The following CTNNA2 variants were observed in gnomAD, a reference collection of about 807,000 sequenced individuals.
CTNNA2 encodes the protein catenin alpha-2.
In CTNNA2, 42 loss-of-function variants were observed where a neutral mutation model predicts 101.0. The observed-to-expected ratio is 0.42, with a 90% CI of 0.32 to 0.54. CTNNA2 has a LOEUF of 0.54. Ranked by LOEUF, CTNNA2 falls within the 20% of genes least tolerant of loss-of-function variation. The pLI is 0.14. For synonymous variants in CTNNA2, 450 were observed against 456.4 expected, an observed-to-expected ratio of 0.99 and a Z score of 0.18; for missense variants, 871 against 1,223.1, an observed-to-expected ratio of 0.71 and a Z score of 4.29.
chr2:80,504,711 T>A (rs1377002038), intron 9 of CTNNA2, among the ~76,000 whole-genome samples: 1 of 152,156 alleles, frequency 6.6e-6, no homozygotes, highest in Non-Finnish European at 1.5e-5. Flanking sequence ...TAATCATACT[T>A]AGCTCCGGGG....
chr2:79,522,015 G>A (rs1027408112), intron 1 of CTNNA2, among the ~76,000 whole-genome samples: 17 of 152,184 alleles, frequency 1.1e-4, no homozygotes, highest in African/African-American at 3.9e-4. Context: ...AGGCAAATTC[G>A]ATTGCAGTTT....
intron 6 of CTNNA2, among the ~76,000 whole-genome samples, chr2:79,891,910 CT>C (rs1376245345): frequency 6.6e-6 from 1 of 151,846 alleles, no homozygotes; most frequent in Non-Finnish European, 1.5e-5. Context: ...ATTTTCCAAA[CT>C]TTTTTCCATG....
intron 7 of CTNNA2, among the ~76,000 whole-genome samples, chr2:80,320,751 A>G (rs2149245385): frequency 6.6e-6 from 1 of 152,346 alleles, no homozygotes; most frequent in East Asian, 1.9e-4. Flanking sequence ...TTATGTATAT[A>G]TTTTAAAAAG....
intron 7 of CTNNA2, among the ~76,000 whole-genome samples, chr2:80,199,121 C>T (rs541170742): frequency 2.1e-4 from 26 of 126,778 alleles, no homozygotes; most frequent in African/African-American, 8.0e-4. Context: ...GCGGAGGTTG[C>T]AGTGAGCTGA....
chr2:79,315,072 A>C (rs1676464743), intron 3 of CTNNA2, among the ~76,000 whole-genome samples: 1 of 152,058 alleles, frequency 6.6e-6, no homozygotes, highest in Non-Finnish European at 1.5e-5. Flanking sequence ...TAATAGGTGC[A>C]CCTTCTCTCT....
chr2:80,282,915 G>T (rs1079319), intron 7 of CTNNA2, among the ~76,000 whole-genome samples: 41,373 of 151,860 alleles, frequency 0.27, 9,831 homozygotes, highest in African/African-American at 0.65. Flanking sequence ...GATATTAAAA[G>T]GAGAAGATAT....
In CTNNA2 at chr2:79,983,101, C is replaced by G. The variant is rs1462860125; in HGVS notation, c.1056+73304C>G. Among the ~76,000 whole-genome samples, 11 of 150,820 alleles carry G rather than the reference C, an allele frequency of 7.3e-5. No individual in the cohort carries two copies. The Admixed American group carries it at 7.3e-4, about 10-fold the overall frequency. ...CCTGGAAAGCAACTATATAACCCCT[C>G]AAGGTCCAGTCAACAGTTTTATATA... On this transcript the variant is annotated intron_variant, in intron 7 of 18. Coordinates refer to ENST00000402739, the MANE Select transcript of CTNNA2 (RefSeq NM_001282597.3).
chr2:80,387,237 C>T (rs975127183), intron 7 of CTNNA2, among the ~76,000 whole-genome samples: 3 of 151,546 alleles, frequency 2.0e-5, no homozygotes, highest in East Asian at 1.9e-4. Flanking sequence ...TGCAGTGAGC[C>T]GAGATTGTGC....
At chr2:79,336,700 GC>G (rs1677001684) in intron 3 of CTNNA2, among the ~76,000 whole-genome samples, 1 of 152,120 alleles carries the variant, frequency 6.6e-6, no homozygotes, top group Non-Finnish European at 1.5e-5. Flanking sequence ...GGTAAGAAGA[GC>G]CCCCACCCCT....
intron 9 of CTNNA2, among the ~76,000 whole-genome samples, chr2:80,544,651 C>T (rs1691879949): frequency 6.6e-6 from 1 of 152,064 alleles, no homozygotes; most frequent in African/African-American, 2.4e-5. Flanking sequence ...GCCGAGATCA[C>T]AGGGTTTTGC....
At chr2:80,587,451 G>GA (rs1407670997) in intron 14 of CTNNA2, among the ~76,000 whole-genome samples, 4 of 152,114 alleles carry the variant, frequency 2.6e-5, no homozygotes, top group African/African-American at 7.2e-5. Flanking sequence ...CATTTTATTT[G>GA]AAAAAACACA....
intron 7 of CTNNA2, among the ~76,000 whole-genome samples, chr2:80,376,844 C>G (rs1440100613): frequency 6.6e-6 from 1 of 152,190 alleles, no homozygotes; most frequent in East Asian, 1.9e-4. Context: ...AGAATCCACT[C>G]TTGATGCTTG....
At chr2:80,402,467 G>A (rs1160773693) in intron 8 of CTNNA2, among the ~76,000 whole-genome samples, 2 of 152,034 alleles carry the variant, frequency 1.3e-5, no homozygotes, top group Non-Finnish European at 2.9e-5. Flanking sequence ...AAACAGCCTG[G>A]ATCCTGGGGC....
At chr2:79,309,516 T>C (rs1483326379) in intron 2 of CTNNA2, among the ~76,000 whole-genome samples, 1 of 152,178 alleles carries the variant, frequency 6.6e-6, no homozygotes, top group East Asian at 1.9e-4. Context: ...AGATTGATTA[T>C]TTCAAAGTTA....
chr2:79,324,944 C>T (rs544918294), intron 3 of CTNNA2, among the ~76,000 whole-genome samples: 122 of 152,232 alleles, frequency 8.0e-4, no homozygotes, highest in Non-Finnish European at 1.5e-3. Context: ...GGGCCAGGTT[C>T]GGCAGAGTAT....
intron 7 of CTNNA2, among the ~76,000 whole-genome samples, chr2:80,002,670 A>G (rs1463693563): frequency 6.6e-6 from 1 of 152,142 alleles, no homozygotes; most frequent in Non-Finnish European, 1.5e-5. Context: ...GTTCTTGCCC[A>G]GTGCTGACAC....
At chr2:79,870,404 A>G (rs1207294200) in intron 5 of CTNNA2, among the ~76,000 whole-genome samples, 1 of 151,830 alleles carries the variant, frequency 6.6e-6, no homozygotes, top group Non-Finnish European at 1.5e-5. Context: ...AACATGAACA[A>G]AATGAGAGGA....
intron 1 of CTNNA2, among the ~76,000 whole-genome samples, chr2:79,585,689 G>A (rs944785555): frequency 6.6e-6 from 1 of 151,898 alleles, no homozygotes; most frequent in Admixed American, 6.6e-5. Flanking sequence ...GTCTACCCTG[G>A]CCTGCACTCC....
At chr2:79,514,071 C>G (rs900093601) in intron 1 of CTNNA2, among the ~76,000 whole-genome samples, 1 of 152,186 alleles carries the variant, frequency 6.6e-6, no homozygotes, top group Non-Finnish European at 1.5e-5. Flanking sequence ...GGTCCTGTCA[C>G]TACCTACTTC....
Sources: gnomAD v4.1 joint callset for allele counts (sites outside exome capture counted in the v4.1 genomes callset) on GRCh38, gnomAD v4.1.1 for gene constraint, MANE v1.5 for transcripts, NCBI Gene and HGNC (gene_info 2026-07-23, HGNC 2026-07-21) for gene names.